Variants in JMJD1C observed in about 807,000 individuals in gnomAD.
The protein encoded by JMJD1C is jumonji domain-containing protein 1C.
JMJD1C carries 31 observed loss-of-function variants against 245.3 expected under a neutral mutation model. That is an observed-to-expected ratio of 0.13 (90% CI 0.09 to 0.17). The LOEUF is 0.17. Ranked by LOEUF, JMJD1C falls within the 10% of genes least tolerant of loss-of-function variation. The probability of loss-of-function intolerance (pLI) is 1.00; values close to 1 mark genes in which losing one functional copy is unlikely to be tolerated. For synonymous variants in JMJD1C, 1,057 were observed against 1,017.4 expected, an observed-to-expected ratio of 1.04 and a Z score of -0.74; for missense variants, 2,691 against 3,000.2, an observed-to-expected ratio of 0.90 and a Z score of 2.41.
intron 3 of JMJD1C, among the ~76,000 whole-genome samples, chr10:63,261,539 C>T (rs574860655): frequency 6.6e-6 from 1 of 152,044 alleles, no homozygotes; most frequent in Admixed American, 6.5e-5. Context: ...TGAGATTGTG[C>T]CACAGCACTC....
intron 1 of JMJD1C, among the ~76,000 whole-genome samples, chr10:63,424,532 G>A (rs1317786970): frequency 8.2e-6 from 1 of 122,558 alleles, no homozygotes; most frequent in Non-Finnish European, 1.7e-5. Context: ...TTTGAGACCG[G>A]GTCTCATTCT....
chr10:63,214,071 G>C lies in JMJD1C; in HGVS notation c.2096C>G (p.Thr699Arg). ...TTTATCAATGATAAGAGGACTCTTT[G>C]TAGTTTCTAATGTACTGCTTCGAGT... ...IPTRSSTLET[T>R]KSPLIIDKNE... Residue 699 changes from threonine to arginine, a missense_variant, in exon 8 of 26, where the codon ACA (threonine) becomes AGA (arginine). Physicochemically the swap from Thr to Arg is moderately conservative, Grantham distance 71. This residue lies in a region of JMJD1C where 1,562 missense variants were observed against 1,490.7 expected (regional missense o/e 1.05). Transcript: ENST00000399262. 6.2e-7 allele frequency: 1 copy of C among 1,614,072 alleles called. No individual in the cohort carries two copies. The highest frequency in any genetic ancestry group is 8.5e-7 in the Non-Finnish European group (1 of 1,179,926).
chr10:63,462,590 G>A (rs1042032166), intron 1 of JMJD1C, among the ~76,000 whole-genome samples: 6 of 152,180 alleles, frequency 3.9e-5, no homozygotes, highest in Non-Finnish European at 7.4e-5. Context: ...GTAATCAACA[G>A]GGCACTTACA....
chr10:63,465,754 G>A lies in JMJD1C; in HGVS notation c.-92C>T, dbSNP rs375372643. 1.3e-4 allele frequency: 187 copies of A among 1,452,186 alleles called. No homozygotes were observed. In the African/African-American group the frequency reaches 2.2e-3, roughly 17 times the overall value. The allele number at this position is 1,452,186 out of a possible 1,614,324, so 90.0% of individuals were successfully genotyped here. On this transcript the variant is annotated 5_prime_UTR_variant, in exon 1 of 26. Transcript: ENST00000399262. ...CCGGCCGCTCATGCTGAGGAGAGCG[G>A]ACCGGGACACAGCAGCGGACCCGAA... is the stretch of plus-strand genomic sequence containing the variant.
intron 2 of JMJD1C, among the ~76,000 whole-genome samples, chr10:63,324,675 T>C (rs1941312281): frequency 6.6e-6 from 1 of 152,186 alleles, no homozygotes; most frequent in Non-Finnish European, 1.5e-5. Context: ...ATAGAGCTCA[T>C]AATCCTGTGT....
intron 1 of JMJD1C, among the ~76,000 whole-genome samples, chr10:63,423,102 T>A (rs572026370): frequency 1.2e-3 from 177 of 152,114 alleles, no homozygotes; most frequent in Non-Finnish European, 1.9e-3. Context: ...GTAGCTGGGA[T>A]TACAAGCATG....
At chr10:63,271,117 T>G (rs1354823142) in intron 2 of JMJD1C, among the ~76,000 whole-genome samples, 2 of 152,114 alleles carry the variant, frequency 1.3e-5, no homozygotes, top group Non-Finnish European at 2.9e-5. Context: ...AAAATACACT[T>G]GTAGGTGCAA....
At chr10:63,273,541 T>C (rs1856522311) in intron 2 of JMJD1C, among the ~76,000 whole-genome samples, 1 of 152,346 alleles carries the variant, frequency 6.6e-6, no homozygotes, top group South Asian at 2.1e-4. Context: ...TAGAGAATGG[T>C]AGATCCCACC....
At chr10:63,263,017 AT>A (rs775601853) in intron 3 of JMJD1C, among the ~76,000 whole-genome samples, 3 of 152,158 alleles carry the variant, frequency 2.0e-5, no homozygotes, top group Non-Finnish European at 4.4e-5. Flanking sequence ...AAACATTAAG[AT>A]TTGGAAGGTT....
chr10:63,298,932 TGTTGGTCAGGCTG>T (rs1243095751), intron 2 of JMJD1C, among the ~76,000 whole-genome samples: 12 of 152,106 alleles, frequency 7.9e-5, no homozygotes, highest in Non-Finnish European at 1.5e-4. Context: ...GGTTTCTCCA[TGTTGGTCAGGCTG>T]GTCTTGAACT....
chr10:63,249,248 A>AGAGGTTGCAGTCAGGT (rs1276056061), intron 3 of JMJD1C, among the ~76,000 whole-genome samples: 2 of 152,172 alleles, frequency 1.3e-5, no homozygotes, highest in Non-Finnish European at 2.9e-5. Flanking sequence ...CCTGGGAGGC[A>AGAGGTTGCAGTCAGGT]GAGGTTGCAG....
intron 1 of JMJD1C, among the ~76,000 whole-genome samples, chr10:63,446,356 G>A (rs759024086): frequency 5.9e-5 from 9 of 152,026 alleles, no homozygotes; most frequent in Admixed American, 1.3e-4. Context: ...ACTCAGCTGC[G>A]GACATATTAA....
At chr10:63,268,948 C>T (rs1200433245) in intron 2 of JMJD1C, 2 of 985,810 alleles carry the variant, frequency 2.0e-6, no homozygotes, top group Non-Finnish European at 1.2e-6. Context: ...TCTGTCTGCT[C>T]TGGCTCAGCC....
intron 1 of JMJD1C, chr10:63,427,902 C>G (rs1024006514): frequency 2.7e-6 from 2 of 739,528 alleles, no homozygotes; most frequent in African/African-American, 3.5e-5. Context: ...AGGCAAGGAC[C>G]TCACCAGCAA....
intron 2 of JMJD1C, among the ~76,000 whole-genome samples, chr10:63,272,223 T>TA (rs1376306843): frequency 6.6e-6 from 1 of 152,162 alleles, no homozygotes; most frequent in Non-Finnish European, 1.5e-5. Flanking sequence ...TTACAGAACA[T>TA]ATTGTGTAGA....
intron 1 of JMJD1C, among the ~76,000 whole-genome samples, chr10:63,384,942 C>G (rs530449647): frequency 6.6e-6 from 1 of 152,328 alleles, no homozygotes; most frequent in South Asian, 2.1e-4. Flanking sequence ...TCTGTCTTGG[C>G]TTTGACATGC....
intron 1 of JMJD1C, among the ~76,000 whole-genome samples, chr10:63,457,941 G>A (rs1279473068): frequency 2.0e-5 from 3 of 152,100 alleles, no homozygotes; most frequent in Admixed American, 2.0e-4. Flanking sequence ...TTTCTACTTA[G>A]CCATGTATTC....
intron 11 of JMJD1C, among the ~76,000 whole-genome samples, chr10:63,200,009 C>T (rs747148276): frequency 5.9e-5 from 9 of 152,128 alleles, no homozygotes; most frequent in Non-Finnish European, 1.3e-4. Context: ...TAAACTCACA[C>T]AGGAACTAAG....
At chr10:63,235,950 G>A (rs1029366195) in intron 3 of JMJD1C, among the ~76,000 whole-genome samples, 5 of 152,034 alleles carry the variant, frequency 3.3e-5, no homozygotes, top group Admixed American at 6.6e-5. Context: ...AGAAAATGAC[G>A]TAGCTAAATT....
Sources: gnomAD v4.1 joint callset for allele counts (sites outside exome capture counted in the v4.1 genomes callset) on GRCh38, gnomAD v4.1.1 for gene constraint, gnomAD v4.1.1 regional missense constraint, MANE v1.5 for transcripts, NCBI Gene and HGNC (gene_info 2026-07-23, HGNC 2026-07-21) for gene names.